Variants in ST6GAL1 observed in about 807,000 individuals in gnomAD.
ST6GAL1 encodes beta-galactoside alpha-2,6-sialyltransferase 1.
Under a neutral mutation model 38.0 loss-of-function variants are expected in ST6GAL1, and 20 were observed. The ratio of observed to expected loss-of-function variants is 0.53; its 90% CI spans 0.37 to 0.77. The LOEUF (loss-of-function observed/expected upper bound fraction) is 0.77, where lower values mean the gene tolerates loss of function less well. Among genes scored for constraint, ST6GAL1 ranks in the 30% least tolerant of loss-of-function variants. The pLI is 0.00. For synonymous variants in ST6GAL1, 196 were observed against 188.2 expected (o/e 1.04, Z -0.34); for missense variants, 432 against 496.4 (o/e 0.87, Z 1.23).
intron 6 of ST6GAL1, among the ~76,000 whole-genome samples, chr3:187,073,245 C>T (rs16861570): frequency 0.018 from 2,745 of 152,264 alleles, 80 homozygotes; most frequent in East Asian, 0.11. Context: ...TGCAATTATT[C>T]GTGATGAGCA....
At position 186,931,000 on chromosome 3, in the gene ST6GAL1, C is replaced by T. The variant is rs565263145; in HGVS notation, c.-325+166C>T. 220 of 152,926 alleles carry T rather than the reference C, an allele frequency of 1.4e-3. 1 individual carries two copies. The highest frequency in any genetic ancestry group is 4.8e-3 in the African/African-American group (199 of 41,576). The allele number at this position is 152,926 out of a possible 1,614,324, so 9.5% of individuals were successfully genotyped here. ...CAGCTGCCTTGGCTCCGGGGCTGGCCGCCTTTTGGTTGGGGGTGTGTGCAT... is the reference window on the plus strand; with the variant it reads ...CAGCTGCCTTGGCTCCGGGGCTGGCTGCCTTTTGGTTGGGGGTGTGTGCAT... On this transcript the variant is annotated intron_variant, in intron 1 of 7. Coordinates refer to ENST00000169298, the MANE Select transcript of ST6GAL1 (RefSeq NM_173216.2).
chr3:186,978,198 G>A (rs554085777), intron 2 of ST6GAL1, among the ~76,000 whole-genome samples: 2 of 152,200 alleles, frequency 1.3e-5, no homozygotes, highest in African/African-American at 4.8e-5. Context: ...GTGACAGAGC[G>A]AGACTCCGTG....
At chr3:187,005,172 T>C (rs1716740866) in intron 2 of ST6GAL1, among the ~76,000 whole-genome samples, 1 of 151,794 alleles carries the variant, frequency 6.6e-6, no homozygotes, top group African/African-American at 2.4e-5. Context: ...GTAAGTGGGG[T>C]ATACACAAAA....
chr3:187,074,106 A>G, intron 6 of ST6GAL1, 53 bp from the exon 7 acceptor site: 2 of 1,500,216 alleles, frequency 1.3e-6, no homozygotes, highest in Admixed American at 2.0e-5. Flanking sequence ...TCCTGGGGGG[A>G]GCAGCTCACT....
intron 2 of ST6GAL1, among the ~76,000 whole-genome samples, chr3:186,965,459 G>A (rs1484129959): frequency 6.6e-6 from 1 of 152,144 alleles, no homozygotes; most frequent in East Asian, 1.9e-4. Flanking sequence ...CTCTTCCTGT[G>A]TCCCAAAGGA....
intron 5 of ST6GAL1, among the ~76,000 whole-genome samples, chr3:187,057,048 G>T (rs1718728030): frequency 6.6e-6 from 1 of 151,866 alleles, no homozygotes; most frequent in East Asian, 1.9e-4. Flanking sequence ...TTATTTCATT[G>T]ATTTGATCTT....
At chr3:187,069,543 C>T (rs1719289951) in intron 5 of ST6GAL1, among the ~76,000 whole-genome samples, 1 of 152,232 alleles carries the variant, frequency 6.6e-6, no homozygotes, top group Non-Finnish European at 1.5e-5. Context: ...TTCACATCTA[C>T]AGCCGACAAT....
chr3:186,987,852 T>G (rs990732108), intron 2 of ST6GAL1, among the ~76,000 whole-genome samples: 2 of 152,238 alleles, frequency 1.3e-5, no homozygotes, highest in Admixed American at 6.5e-5. Context: ...TGCTGCTGCT[T>G]CTTATGCTAG....
chr3:186,962,806 A>G lies in ST6GAL1; in HGVS notation c.-324-979A>G, dbSNP rs562225804. ...TGTCCAGGCTTGGAGGGTTGGGTAC[A>G]ATTTATGGTACAGCTCTGTGGGGCA... On this transcript the variant is annotated intron_variant, in intron 1 of 7. Transcript: ENST00000169298. 6.2e-4 allele frequency among the ~76,000 whole-genome samples: 94 copies of G among 152,316 alleles called. 1 individual carries two copies. The South Asian group carries it at 0.019, about 31-fold the overall frequency.
intron 4 of ST6GAL1, among the ~76,000 whole-genome samples, chr3:187,047,814 A>G (rs1442605487): frequency 6.6e-6 from 1 of 152,098 alleles, no homozygotes; most frequent in Admixed American, 6.6e-5. Flanking sequence ...ATATATAATA[A>G]TTGTACATAT....
Position 186,994,366 on chromosome 3 carries a change from G to A in ST6GAL1, c.-183+30440G>A, listed in dbSNP as rs564999282. On this transcript the variant is annotated intron_variant, in intron 2 of 7. Transcript: ENST00000169298. ...TAGTGTAACATGGTAGTAAACTGAAGACAATTACTTCTTCTGGTGCACATC... is the reference window on the plus strand; with the variant it reads ...TAGTGTAACATGGTAGTAAACTGAAAACAATTACTTCTTCTGGTGCACATC... 3.0e-4 allele frequency among the ~76,000 whole-genome samples: 45 copies of A among 152,254 alleles called. 1 individual carries two copies. In the South Asian group the frequency reaches 9.1e-3, roughly 31 times the overall value.
intron 2 of ST6GAL1, among the ~76,000 whole-genome samples, chr3:187,010,793 C>T (rs893207750): frequency 3.3e-5 from 5 of 152,216 alleles, no homozygotes; most frequent in East Asian, 1.9e-4. Flanking sequence ...CAAAGCCCCG[C>T]GTCTATCACC....
At chr3:187,062,395 A>T (rs1718948031) in intron 5 of ST6GAL1, among the ~76,000 whole-genome samples, 1 of 152,038 alleles carries the variant, frequency 6.6e-6, no homozygotes, top group Admixed American at 6.6e-5. Flanking sequence ...TATTCAGACT[A>T]CTCTTATTCA....
In ST6GAL1 at chr3:187,075,611, C is replaced by A; in HGVS notation, c.1029C>A (p.Phe343Leu). ...GTGACCAGGTGGATATTTATGAGTT[C>A]CTCCCATCCAAGCGCAAGACTGACG... Reference protein sequence around the residue: ...TLCDQVDIYEFLPSKRKTDVC... With the variant: ...TLCDQVDIYELLPSKRKTDVC... The change falls in exon 8 of 8, where the codon TTC becomes TTA. Residue 343 changes from phenylalanine (F) to leucine (L), a missense_variant. Phe to Leu is a conservative substitution (Grantham distance 22). Transcript: ENST00000169298. The surrounding 1 kb of genome is among the most constrained non-coding windows in gnomAD (Gnocchi z 4.1). 1.9e-6 allele frequency: 3 copies of A among 1,614,100 alleles called. 1 individual carries two copies. In the South Asian group the frequency reaches 3.3e-5, roughly 18 times the overall value.
chr3:187,075,410 T>A lies in ST6GAL1; in HGVS notation c.980-152T>A. 4 of 1,242,980 alleles carry A rather than the reference T, an allele frequency of 3.2e-6. No individual in the cohort carries two copies. The highest frequency in any genetic ancestry group is 4.4e-6 in the Non-Finnish European group (4 of 903,978). 77.0% of individuals were successfully genotyped at this position (1,242,980 alleles called of 1,614,324 possible). A position where few individuals can be genotyped will look rare whatever the true frequency, so the allele number is the denominator to read the frequency against. The stretch of plus-strand genomic sequence containing the variant: ...AGGAACACTGCTGGGCTTGGCTTGC[T>A]GAAACTTAGATTGGGAATCACAGTC... On this transcript the variant is annotated intron_variant, in intron 7 of 7. Transcript: ENST00000169298. This position sits in a 1 kb window ranked among gnomAD's most constrained non-coding sequence, Gnocchi z 4.1.
intron 2 of ST6GAL1, among the ~76,000 whole-genome samples, chr3:187,017,012 G>A (rs1717138295): frequency 6.6e-6 from 1 of 152,222 alleles, no homozygotes; most frequent in Admixed American, 6.5e-5. Context: ...TCCCCTTTGA[G>A]TCCAGGAGGA....
rs80028355 is a variant in ST6GAL1 at position 187,042,523 on chromosome 3, G to A, written c.-50-131G>A. 9.4e-6 allele frequency: 8 copies of A among 848,300 alleles called. No homozygotes were observed. In the Admixed American group the frequency reaches 1.9e-4, roughly 20 times the overall value. The allele number at this position is 848,300 out of a possible 1,614,324, so 52.5% of individuals were successfully genotyped here. A position where few individuals can be genotyped will look rare whatever the true frequency, so the allele number is the denominator to read the frequency against. ...AATTGCTTAACAGGCTGCAGAGGTG[G>A]CCAGGAGGTAGACCAGGGCTGGAAT... On this transcript the variant is annotated intron_variant, in intron 3 of 7. Transcript: ENST00000169298.
intron 2 of ST6GAL1, among the ~76,000 whole-genome samples, chr3:186,965,870 GTTT>G (rs1715095362): frequency 6.6e-6 from 1 of 152,180 alleles, no homozygotes; most frequent in African/African-American, 2.4e-5. Flanking sequence ...CAGAGGCCTG[GTTT>G]TCTGGTCAGC....
At chr3:187,071,482 G>T (rs1229039851) in intron 5 of ST6GAL1, among the ~76,000 whole-genome samples, 1 of 151,396 alleles carries the variant, frequency 6.6e-6, no homozygotes, top group Non-Finnish European at 1.5e-5. Context: ...GGGCGCGGTG[G>T]CTCATGCCTG....
Sources: gnomAD v4.1 joint callset for allele counts (sites outside exome capture counted in the v4.1 genomes callset) on GRCh38, gnomAD v4.1.1 for gene constraint, Gnocchi (gnomAD v3.1) non-coding constraint, MANE v1.5 for transcripts, NCBI Gene and HGNC (gene_info 2026-07-23, HGNC 2026-07-21) for gene names.